LBR: variants seen among roughly 807,000 people sequenced by gnomAD.
The protein encoded by LBR is lamin B receptor.
Under a neutral mutation model 74.3 loss-of-function variants are expected in LBR, and 28 were observed. That is an observed-to-expected ratio of 0.38 (90% CI 0.28 to 0.52). The LOEUF is 0.52. Ranked by LOEUF, LBR falls within the 20% of genes least tolerant of loss-of-function variation. LBR has a pLI of 0.89. For missense variants in LBR, 717 were observed against 760.3 expected, an observed-to-expected ratio of 0.94 and a Z score of 0.67; for synonymous variants, 228 against 269.3, an observed-to-expected ratio of 0.85 and a Z score of 1.50.
At chr1:225,419,636 T>C in intron 4 of LBR, 79 bp downstream of exon 4, 7 of 1,109,920 alleles carry the variant, frequency 6.3e-6, no homozygotes, top group Non-Finnish European at 8.1e-6. Flanking sequence ...ATTTTCAATG[T>C]GCTTCTCAAG....
chr1:225,408,140 T>A (rs567663569), intron 10 of LBR, among the ~76,000 whole-genome samples: 5 of 152,176 alleles, frequency 3.3e-5, no homozygotes, highest in Non-Finnish European at 5.9e-5. Flanking sequence ...ACTCCTCCTA[T>A]CGAGTGGTAA....
At chr1:225,403,963 C>A (rs2096086303) in intron 13 of LBR, among the ~76,000 whole-genome samples, 1 of 149,778 alleles carries the variant, frequency 6.7e-6, no homozygotes. Flanking sequence ...CCCCCTGACA[C>A]CCCAGCTCCC....
Position 225,418,010 on chromosome 1 carries a change from G to A in LBR, c.811C>T (p.Leu271=), listed in dbSNP as rs34682825. 8.0e-5 allele frequency: 129 copies of A among 1,614,116 alleles called. No homozygotes were observed. The African/African-American group carries it at 1.4e-3, about 18-fold the overall frequency. Residue 271 remains leucine, a synonymous_variant, in exon 6 of 14, where the codon CTG becomes TTG. Coordinates refer to ENST00000272163, the MANE Select transcript of LBR (RefSeq NM_002296.4). ...VYLLWFLIQV[L]FYLLPIGKVV... is the part of the protein sequence containing the mutation. ...TTTCCAATTGGCAGTAGGTAGAACA[G>A]GACTTGAATCAAAAACCACAGGAGG...
chr1:225,412,361 A>C, intron 8 of LBR, 93 bp downstream of exon 8: 1 of 1,109,186 alleles, frequency 9.0e-7, no homozygotes, highest in Non-Finnish European at 1.4e-6. Flanking sequence ...CCCAAAAATG[A>C]AGTTAGAAAA....
rs747414480 is a variant in LBR, at chr1:225,417,993, T to A, written c.828A>T (p.Pro276=). 6.2e-7 allele frequency: 1 copy of A among 1,613,870 alleles called. No homozygotes were observed. The highest frequency in any genetic ancestry group is 1.3e-5 in the African/African-American group (1 of 74,922). The change falls in exon 6 of 14, where the codon CCA becomes CCT. Residue 276 remains proline, a synonymous_variant. Coordinates refer to ENST00000272163, the MANE Select transcript of LBR (RefSeq NM_002296.4). ...ATTACCATAAACGTACCTTTCCAAT[T>A]GGCAGTAGGTAGAACAGGACTTGAA... The part of the protein sequence containing the change: ...FLIQVLFYLL[P]IGKVVEGTPL...
chr1:225,406,438 C>A, intron 11 of LBR: 2 of 413,614 alleles, frequency 4.8e-6, no homozygotes, highest in African/African-American at 2.1e-5. Context: ...AATTTAAAAG[C>A]AAGATGGTTT....
At chr1:225,424,918 T>C (rs911543036) in intron 1 of LBR, among the ~76,000 whole-genome samples, 3 of 152,218 alleles carry the variant, frequency 2.0e-5, no homozygotes, top group African/African-American at 7.2e-5. Flanking sequence ...CTCCATCGGC[T>C]GACCAGCGGA....
At chr1:225,426,629 C>T (rs56082542) in intron 1 of LBR, among the ~76,000 whole-genome samples, 3,804 of 152,270 alleles carry the variant, frequency 0.025, 66 homozygotes, top group Middle Eastern at 0.037. Context: ...AGCCATCTTT[C>T]CTTCACTTCT....
chr1:225,423,436 G>C (rs2096132218), intron 2 of LBR, among the ~76,000 whole-genome samples: 1 of 151,764 alleles, frequency 6.6e-6, no homozygotes, highest in Non-Finnish European at 1.5e-5. Context: ...CTCCTGCTTA[G>C]CCCTCCCCTA....
chr1:225,408,267 T>C (rs919840569), intron 10 of LBR, among the ~76,000 whole-genome samples: 1 of 152,150 alleles, frequency 6.6e-6, no homozygotes, highest in Admixed American at 6.5e-5. Flanking sequence ...AGCGCCCACA[T>C]ATAAGTGAGG....
In LBR at chr1:225,422,207, C is replaced by T. The variant is rs150911670; in HGVS notation, c.236G>A (p.Arg79Gln). The T allele has an allele frequency of 4.5e-5, 73 of 1,613,772 alleles. No individual in the cohort carries two copies. The highest frequency in any genetic ancestry group is 2.9e-4 in the African/African-American group (22 of 74,864). The change falls in exon 3 of 14, where the codon CGA becomes CAA. Residue 79 changes from arginine (R) to glutamine (Q), a missense_variant. Transcript: ENST00000272163. Reference protein sequence around the residue: ...SSSPSRRRGSRSRSRSRSPGR... With the variant: ...SSSPSRRRGSQSRSRSRSPGR... Reference sequence around the variant, plus strand: ...AGGGGATCGGGAGCGTGACCTTGATCGACTCCCTCGGCGTCTGGAAGGGGA... The same window carrying T: ...AGGGGATCGGGAGCGTGACCTTGATTGACTCCCTCGGCGTCTGGAAGGGGA...
At position 225,422,296 on chromosome 1, in the gene LBR, G is replaced by C; in HGVS notation, c.166-19C>G. The stretch of plus-strand genomic sequence containing the variant: ...TTAAAGGCTAGAAAGGGGGAAGAAG[G>C]CAAAGAGCTTTACCACAAATCATAA... On this transcript the variant is annotated intron_variant, in intron 2 of 13. Coordinates refer to ENST00000272163, the MANE Select transcript of LBR (RefSeq NM_002296.4). 5.0e-6 allele frequency: 8 copies of C among 1,599,988 alleles called. No individual in the cohort carries two copies. Among genetic ancestry groups the C allele is most frequent in the Non-Finnish European group, 6.8e-6 (8 of 1,169,496 alleles).
In LBR at chr1:225,404,686, G is replaced by A; in HGVS notation, c.1504C>T (p.Arg502Ter). ...VLKLCGYVIF[R>*]GANSQKNAFR... The stretch of plus-strand genomic sequence containing the variant: ...GCATTTTTCTGAGAATTTGCACCTC[G>A]GAAGATTACATAACCACAAACTGCA... Residue 502 changes from arginine (R) to a stop codon, truncating the protein, a stop_gained, in exon 12 of 14, where the codon CGA becomes TGA. Transcript: ENST00000272163. LOFTEE classifies it high-confidence loss of function. The A allele has an allele frequency of 2.5e-6, 4 of 1,610,282 alleles. No homozygotes were observed. The highest frequency in any genetic ancestry group is 1.3e-5 in the African/African-American group (1 of 74,894).
At chr1:225,410,152 G>A (rs2096101690) in intron 10 of LBR, 139 bp downstream of exon 10, 2 of 1,275,646 alleles carry the variant, frequency 1.6e-6, no homozygotes, top group Non-Finnish European at 2.2e-6. Context: ...TCACATGGAT[G>A]GCCTCGTCCT....
At chr1:225,404,363 C>T (rs769817828) in intron 13 of LBR, 41 bp downstream of exon 13, 38 of 1,612,276 alleles carry the variant, frequency 2.4e-5, no homozygotes, top group South Asian at 9.9e-5. Flanking sequence ...ATCTTTCTGG[C>T]GGCTAAAAGG....
intron 1 of LBR, 85 bp from the exon 2 acceptor site, chr1:225,424,174 C>A: frequency 9.5e-7 from 1 of 1,051,552 alleles, no homozygotes; most frequent in South Asian, 1.3e-5. Context: ...CACTAAAATA[C>A]AACTTTCCAG....
rs1385963526 is a variant in LBR, at chr1:225,424,208, G to A, written c.-14-119C>T. The stretch of plus-strand genomic sequence containing the variant: ...AGAATTGACTGGTCAGGATTTTAGG[G>A]CCAGAAAGGCTACATTCAATCTCAT... On this transcript the variant is annotated intron_variant, in intron 1 of 13. Transcript: ENST00000272163. 4 of 801,298 alleles carry A rather than the reference G, an allele frequency of 5.0e-6. No individual in the cohort carries two copies. In the East Asian group the frequency reaches 7.3e-5, roughly 15 times the overall value. 49.6% of individuals were successfully genotyped at this position (801,298 alleles called of 1,614,324 possible).
Position 225,418,187 on chromosome 1 carries a change from A to C in LBR, c.641-7T>G. On this transcript the variant is annotated splice_region_variant and splice_polypyrimidine_tract_variant and intron_variant, in intron 5 of 13. Transcript: ENST00000272163. ...AACATGATGAGAAACACACCTGCAA[A>C]CAATTCATGAACATTCGAGGCTCAA... 1 of 1,612,316 alleles carries C rather than the reference A, an allele frequency of 6.2e-7. No individual in the cohort carries two copies. Among genetic ancestry groups the C allele is most frequent in the Non-Finnish European group, 8.5e-7 (1 of 1,178,762 alleles).
chr1:225,404,285 GA>G, intron 13 of LBR, 118 bp downstream of exon 13: 1 of 1,401,960 alleles, frequency 7.1e-7, no homozygotes, highest in Non-Finnish European at 1.0e-6. Context: ...CCTCACAGTA[GA>G]AAAGGGCGAC....
Sources: allele counts gnomAD v4.1 joint callset (sites outside exome capture counted in the v4.1 genomes callset), GRCh38; gene constraint gnomAD v4.1.1; transcripts MANE v1.5; gene names NCBI Gene and HGNC (gene_info 2026-07-23, HGNC 2026-07-21).